Variants in ZBTB21 observed in about 807,000 individuals in gnomAD.
ZBTB21 encodes the protein zinc finger and BTB domain containing 21, also known as zinc finger and BTB domain-containing protein 21.
Under a neutral mutation model 39.8 loss-of-function variants are expected in ZBTB21, and 10 were observed. That is an observed-to-expected ratio of 0.25 (90% CI 0.16 to 0.43). The LOEUF is 0.43. ZBTB21 is among the 20% of genes least tolerant of loss of function. The pLI is 1.00. For missense variants in ZBTB21, 1,221 were observed against 1,296.3 expected (o/e 0.94, Z 0.89); for synonymous variants, 551 against 498.8 (o/e 1.10, Z -1.40).
chr21:41,999,712 G>A (rs1464100600), intron 2 of ZBTB21, among the ~76,000 whole-genome samples: 3 of 152,198 alleles, frequency 2.0e-5, no homozygotes, highest in African/African-American at 7.2e-5. Flanking sequence ...GGCGAGGGAT[G>A]AGCCATGGAG....
At chr21:41,997,468 CAG>C (rs1569109923) in intron 2 of ZBTB21, among the ~76,000 whole-genome samples, 1 of 151,392 alleles carries the variant, frequency 6.6e-6, no homozygotes, top group Non-Finnish European at 1.5e-5. Flanking sequence ...CCCAGCTACT[CAG>C]GAGGCTGAAG....
Position 41,992,049 on chromosome 21 carries a change from A to G in ZBTB21, c.2047T>C (p.Ser683Pro). The G allele has an allele frequency of 6.2e-7, 1 of 1,614,238 alleles. No homozygotes were observed. The highest frequency in any genetic ancestry group is 1.1e-5 in the South Asian group (1 of 91,088). ...ATTTTTATATGCTGCTTAAATTGAG[A>G]GAGAAAGCGGTACGCTTTTCCGCAG... ...TYCGKAYRFLSQFKQHIKMHP... is the reference protein window; with the variant it reads ...TYCGKAYRFLPQFKQHIKMHP... The change falls in exon 3 of 3, where the codon TCT becomes CCT. Residue 683 changes from serine to proline, a missense_variant. Ser to Pro is a moderately conservative substitution (Grantham distance 74, BLOSUM62 -1). Coordinates refer to ENST00000310826, the MANE Select transcript of ZBTB21 (RefSeq NM_001098402.2). This position sits in a 1 kb window ranked among gnomAD's most constrained non-coding sequence, Gnocchi z 4.1.
At chr21:41,997,614 A>G (rs77464198) in intron 2 of ZBTB21, among the ~76,000 whole-genome samples, 1 of 150,532 alleles carries the variant, frequency 6.6e-6, no homozygotes, top group Non-Finnish European at 1.5e-5. Context: ...AACAAAAAAA[A>G]GATTAGAAGT....
chr21:42,002,159 A>G (rs944788176), intron 2 of ZBTB21, among the ~76,000 whole-genome samples: 6 of 152,216 alleles, frequency 3.9e-5, no homozygotes, highest in Non-Finnish European at 8.8e-5. Context: ...ATGTCTAGAT[A>G]GGAGACAGGG....
At chr21:42,008,795 C>G (rs758678584) in intron 1 of ZBTB21, among the ~76,000 whole-genome samples, 10 of 152,036 alleles carry the variant, frequency 6.6e-5, no homozygotes, top group Non-Finnish European at 1.3e-4. Flanking sequence ...GAAAAATAAA[C>G]AAAAAGTTAC....
In ZBTB21 at chr21:41,993,226, A is replaced by G. The variant is rs1283943347; in HGVS notation, c.870T>C (p.Tyr290=). 6.2e-7 allele frequency: 1 copy of G among 1,611,824 alleles called. No individual in the cohort carries two copies. The highest frequency in any genetic ancestry group is 8.5e-7 in the Non-Finnish European group (1 of 1,180,042). ...LSVCSSSETP[Y]LLKETNKGNG... ...TTCCTTTGTTAGTTTCTTTTAATAG[A>G]TAGGGAGTCTCTGATGAGCTACAAA... The change falls in exon 3 of 3, where the codon TAT becomes TAC. Residue 290 remains tyrosine (Y), a synonymous_variant. Coordinates refer to ENST00000310826, the MANE Select transcript of ZBTB21 (RefSeq NM_001098402.2).
Position 42,004,778 on chromosome 21 carries a change from T to TA in ZBTB21, c.-78-1818dup, listed in dbSNP as rs572197131. Among the ~76,000 whole-genome samples, 10 of 152,266 alleles carry TA rather than the reference T, an allele frequency of 6.6e-5. No homozygotes were observed. In the East Asian group the frequency reaches 1.3e-3, roughly 21 times the overall value. On this transcript the variant is annotated intron_variant, in intron 1 of 2. Coordinates refer to ENST00000310826, the MANE Select transcript of ZBTB21 (RefSeq NM_001098402.2). ...ATGTAACACAAGGCAAATACCTAGT[T>TA]AAAAAAACAAAGCATCTACATTTGA...
At chr21:42,005,716 G>A (rs868476707) in intron 1 of ZBTB21, among the ~76,000 whole-genome samples, 1 of 152,062 alleles carries the variant, frequency 6.6e-6, no homozygotes, top group Non-Finnish European at 1.5e-5. Flanking sequence ...CAACATACAC[G>A]TTAAATATTC....
At chr21:41,994,806 C>A (rs183114388) in intron 2 of ZBTB21, among the ~76,000 whole-genome samples, 1 of 85,422 alleles carries the variant, frequency 1.2e-5, no homozygotes, top group Non-Finnish European at 2.5e-5. Context: ...TGAATTGTAA[C>A]TCCCACAATT....
chr21:42,005,549 T>C (rs2065868873), intron 1 of ZBTB21, among the ~76,000 whole-genome samples: 1 of 152,220 alleles, frequency 6.6e-6, no homozygotes, highest in African/African-American at 2.4e-5. Context: ...TACAATAAAC[T>C]ACTTTTTCCA....
At chr21:42,009,968 G>A (rs1601666230) in intron 1 of ZBTB21, among the ~76,000 whole-genome samples, 2 of 152,352 alleles carry the variant, frequency 1.3e-5, no homozygotes, top group South Asian at 4.1e-4. Context: ...AGCCCGTGAG[G>A]GAATGGAGCA....
rs1198152386 is a variant in ZBTB21 at position 41,987,010 on chromosome 21, T to TAGAGGAAAAAA, written c.*3884_*3885insTTTTTTCCTCT. On this transcript the variant is annotated 3_prime_UTR_variant, in exon 3 of 3. Transcript: ENST00000310826. ...TTCCTAAGTAAAATGGAAAAATGAC[T>TAGAGGAAAAAA]TACTCTGCTAAGGCATATGACAAAA... 2.6e-5 allele frequency: 4 copies of TAGAGGAAAAAA among 152,670 alleles called. No homozygotes were observed. The highest frequency in any genetic ancestry group is 5.9e-5 in the Non-Finnish European group (4 of 68,034). The allele number at this position is 152,670 out of a possible 1,614,324, so 9.5% of individuals were successfully genotyped here. A position where few individuals can be genotyped will look rare whatever the true frequency, so the allele number is the denominator to read the frequency against.
chr21:41,993,830 G>C lies in ZBTB21; in HGVS notation c.266C>G (p.Ser89Cys), dbSNP rs1281290342. ...AFDNVLNYIY[S>C]SSLFVEKSSL... ...GCTCTTCTCAACAAATAGAGAGGAA[G>C]AATAAATGTAGTTTAAAACATTATC... The change falls in exon 3 of 3, where the codon TCT becomes TGT. Residue 89 changes from serine to cysteine, a missense_variant. Around this residue, in one of 4 missense-constraint regions of ZBTB21, gnomAD observed 108 missense variants for 155.0 expected, o/e 0.70. Transcript: ENST00000310826. The C allele has an allele frequency of 6.2e-7, 1 of 1,614,214 alleles. No homozygotes were observed. The highest frequency in any genetic ancestry group is 1.1e-5 in the South Asian group (1 of 91,082).
Position 41,988,059 on chromosome 21 carries a change from T to C in ZBTB21, c.*2836A>G, listed in dbSNP as rs2065601476. 3 of 148,204 alleles carry C rather than the reference T, an allele frequency of 2.0e-5. No individual in the cohort carries two copies. The highest frequency in any genetic ancestry group is 8.0e-5 in the African/African-American group (3 of 37,612). The allele number at this position is 148,204 out of a possible 1,614,324, so 9.2% of individuals were successfully genotyped here. On this transcript the variant is annotated 3_prime_UTR_variant, in exon 3 of 3. Coordinates refer to ENST00000310826, the MANE Select transcript of ZBTB21 (RefSeq NM_001098402.2). ...TTGAATTGTTAGTTGTATATTCTGG[T>C]AAAATTATAAATGCATACTAACTAG... is the stretch of plus-strand genomic sequence containing the variant.
intron 2 of ZBTB21, among the ~76,000 whole-genome samples, chr21:41,998,364 G>C (rs1013095708): frequency 2.6e-5 from 4 of 151,576 alleles, no homozygotes; most frequent in Non-Finnish European, 4.4e-5. Flanking sequence ...GCTAATTTTT[G>C]TATTTTTATA....
rs191448760 is a variant in ZBTB21 at position 42,000,792 on chromosome 21, G to A, written c.-14+2105C>T. On this transcript the variant is annotated intron_variant, in intron 2 of 2. Coordinates refer to ENST00000310826, the MANE Select transcript of ZBTB21 (RefSeq NM_001098402.2). The stretch of plus-strand genomic sequence containing the variant: ...TTAAGTTGTAAGAGAAATACTCACT[G>A]TCCCTGAAAATTATTGGGGATTTAA... Among the ~76,000 whole-genome samples the A allele has an allele frequency of 3.9e-5, 6 of 152,286 alleles. No individual in the cohort carries two copies. In the East Asian group the frequency reaches 9.6e-4, roughly 24 times the overall value.
chr21:41,991,130 G>A lies in ZBTB21; in HGVS notation c.2966C>T (p.Pro989Leu), dbSNP rs1013212435. 9.3e-6 allele frequency: 15 copies of A among 1,614,020 alleles called. No homozygotes were observed. The highest frequency in any genetic ancestry group is 2.2e-5 in the East Asian group (1 of 44,882). ...CTGGATCTTGGGCAGTGGTGGTGGC[G>A]GTGGCAGAGGTGGTGGAGAGGGAGA... ...TNSPSPPPLPPPPPLPKIQPL... is the reference protein window; with the variant it reads ...TNSPSPPPLPLPPPLPKIQPL... The change falls in exon 3 of 3, where the codon CCG (proline) becomes CTG (leucine). Residue 989 changes from proline to leucine, a missense_variant. Transcript: ENST00000310826. This position sits in a 1 kb window ranked among gnomAD's most constrained non-coding sequence, Gnocchi z 4.9.
intron 1 of ZBTB21, among the ~76,000 whole-genome samples, chr21:42,005,522 G>A (rs1178929735): frequency 6.6e-6 from 1 of 152,102 alleles, no homozygotes; most frequent in Non-Finnish European, 1.5e-5. Flanking sequence ...TTAAGTCCAA[G>A]AGCAACCCTG....
At position 41,992,974 on chromosome 21, in the gene ZBTB21, C is replaced by A. The variant is rs767262471; in HGVS notation, c.1122G>T (p.Gly374=). Residue 374 remains glycine (G), a synonymous_variant, in exon 3 of 3, where the codon GGG becomes GGT. Transcript: ENST00000310826. The surrounding 1 kb of genome is among the most constrained non-coding windows in gnomAD (Gnocchi z 4.1). ...GSSSVSSDAP[G]NVLCALSQKS... is the part of the protein sequence containing the mutation. ...TCTGAGATAAAGCACACAACACATT[C>A]CCTGGTGCATCACTGGACACCGAAG... 18 of 1,614,048 alleles carry A rather than the reference C, an allele frequency of 1.1e-5. No individual in the cohort carries two copies. The East Asian group carries it at 3.3e-4, about 30-fold the overall frequency.
Sources: gnomAD v4.1 joint callset for allele counts (sites outside exome capture counted in the v4.1 genomes callset) on GRCh38, gnomAD v4.1.1 for gene constraint, gnomAD v4.1.1 regional missense constraint, Gnocchi (gnomAD v3.1) non-coding constraint, MANE v1.5 for transcripts, NCBI Gene and HGNC (gene_info 2026-07-23, HGNC 2026-07-21) for gene names.